Variants in LAMA5 observed in about 807,000 individuals in gnomAD.
LAMA5 encodes laminin subunit alpha 5.
In LAMA5, 260 loss-of-function variants were observed where a neutral mutation model predicts 433.4. The observed-to-expected ratio is 0.60, with a 90% CI of 0.54 to 0.66. The LOEUF is 0.66. Among genes scored for constraint, LAMA5 ranks in the 30% least tolerant of loss-of-function variants. The probability of loss-of-function intolerance (pLI) is 0.00; values close to 1 mark genes in which losing one functional copy is unlikely to be tolerated. For synonymous variants in LAMA5, 2,620 were observed against 2,226.6 expected, an observed-to-expected ratio of 1.18 and a Z score of -4.97; for missense variants, 5,378 against 5,258.5, an observed-to-expected ratio of 1.02 and a Z score of -0.70.
At chr20:62,351,884 C>T in intron 5 of LAMA5, 25 bp downstream of exon 5, 1 of 1,577,498 alleles carries the variant, frequency 6.3e-7, no homozygotes, top group Non-Finnish European at 8.6e-7. Context: ...GTCCCCCTCC[C>T]CCGCCTGCGC....
At chr20:62,314,168 G>A in intron 62 of LAMA5, 136 bp downstream of exon 62, 3 of 1,158,074 alleles carry the variant, frequency 2.6e-6, no homozygotes, top group Non-Finnish European at 3.7e-6. Context: ...GGTGGCGAGT[G>A]GGCACGGAGA....
At chr20:62,366,619 T>C (rs1986757012) in intron 1 of LAMA5, among the ~76,000 whole-genome samples, 1 of 152,068 alleles carries the variant, frequency 6.6e-6, no homozygotes, top group Admixed American at 6.5e-5. Context: ...GGAGGCCAAG[T>C]CCCGCCCTCC....
rs556780503 is a variant in LAMA5, at chr20:62,343,345, C to T, written c.1477+2473G>A. ...TGGGTAAGGGAGGAGCATCTACATCCGACTCAGCCAGAGATTCGGTAGAAC... is the reference window on the plus strand; with the variant it reads ...TGGGTAAGGGAGGAGCATCTACATCTGACTCAGCCAGAGATTCGGTAGAAC... On this transcript the variant is annotated intron_variant, in intron 11 of 79. Transcript: ENST00000252999. Among the ~76,000 whole-genome samples, 5 of 152,270 alleles carry T rather than the reference C, an allele frequency of 3.3e-5. No individual in the cohort carries two copies. The East Asian group carries it at 7.7e-4, about 23-fold the overall frequency.
Position 62,331,036 on chromosome 20 carries a change from T to A in LAMA5, c.3646A>T (p.Asn1216Tyr). Residue 1216 changes from asparagine to tyrosine, a missense_variant, in exon 29 of 80, where the codon AAC becomes TAC. Coordinates refer to ENST00000252999, the MANE Select transcript of LAMA5 (RefSeq NM_005560.6). ...AGCCCCATTACCTGCCATTACCTGT[T>A]GGGGCCAAAGGCGCCGTGGCTGCTG... is the stretch of plus-strand genomic sequence containing the variant. ...CISSHGAFGP[N>Y]SAACLPSRFP... The A allele has an allele frequency of 6.3e-7, 1 of 1,597,744 alleles. No individual in the cohort carries two copies.
Position 62,314,583 on chromosome 20 carries a change from C to A in LAMA5, c.8339G>T (p.Arg2780Leu). The A allele has an allele frequency of 1.9e-6, 3 of 1,611,058 alleles. No individual in the cohort carries two copies. The highest frequency in any genetic ancestry group is 2.5e-6 in the Non-Finnish European group (3 of 1,179,272). Residue 2780 changes from arginine (R) to leucine (L), a missense_variant, in exon 61 of 80, where the codon CGC (arginine) becomes CTC (leucine). By Grantham distance (102) the Arg-to-Leu change is moderately radical. Coordinates refer to ENST00000252999, the MANE Select transcript of LAMA5 (RefSeq NM_005560.6). Reference sequence around the variant, plus strand: ...GCGGCTGCCCATGTACATCACAAAGCGATCCTCGGTACCCTGCCCAGGCTC... The same window carrying A: ...GCGGCTGCCCATGTACATCACAAAGAGATCCTCGGTACCCTGCCCAGGCTC... Reference protein sequence around the residue: ...EPEPGQGTEDRFVMYMGSRQA... With the variant: ...EPEPGQGTEDLFVMYMGSRQA...
In LAMA5 at chr20:62,338,385, G is replaced by T. The variant is rs766545237; in HGVS notation, c.1619-16C>A. 7.5e-6 allele frequency: 12 copies of T among 1,606,488 alleles called. No homozygotes were observed. The highest frequency in any genetic ancestry group is 1.0e-5 in the Non-Finnish European group (12 of 1,176,486). ...CACTGGCAGGCTGCAGGAAAGGGTG[G>T]CCCACATGCTTGGTCAGAGGCACCA... On this transcript the variant is annotated splice_polypyrimidine_tract_variant and intron_variant, in intron 12 of 79. Transcript: ENST00000252999.
At chr20:62,346,630 T>TC in intron 8 of LAMA5, 34 bp from the exon 9 acceptor site, 1 of 1,609,298 alleles carries the variant, frequency 6.2e-7, no homozygotes, top group Non-Finnish European at 8.5e-7. Context: ...TCTGGGGAGG[T>TC]CCCTGCCCCA....
At chr20:62,347,177 G>A (rs1983529815) in intron 6 of LAMA5, 149 bp from the exon 7 acceptor site, 2 of 637,618 alleles carry the variant, frequency 3.1e-6, no homozygotes, top group Admixed American at 2.6e-5. Flanking sequence ...CAGCTGTCCG[G>A]CAGCAAGCGC....
chr20:62,309,157 A>T lies in LAMA5; in HGVS notation c.*179T>A. 1.5e-6 allele frequency: 1 copy of T among 679,114 alleles called. No homozygotes were observed. The highest frequency in any genetic ancestry group is 2.4e-5 in the South Asian group (1 of 42,494). 42.1% of individuals were successfully genotyped at this position (679,114 alleles called of 1,614,324 possible). ...TTAAAAATGGGTGGAAGGGCCAAAT[A>T]TAAAAACATTTTGCAGTATTTTATT... On this transcript the variant is annotated 3_prime_UTR_variant, in exon 80 of 80. Transcript: ENST00000252999.
In LAMA5 at chr20:62,346,889, A is replaced by T. The variant is rs185594855; in HGVS notation, c.1072+24T>A. Reference sequence around the variant, plus strand: ...ATGGGCCAGGGTGTGGGCAGGACACACGTGTGTGGGAGGAGGCACTCACAC... The same window carrying T: ...ATGGGCCAGGGTGTGGGCAGGACACTCGTGTGTGGGAGGAGGCACTCACAC... On this transcript the variant is annotated intron_variant, in intron 7 of 79. Transcript: ENST00000252999. The T allele has an allele frequency of 1.8e-4, 292 of 1,610,240 alleles. No individual in the cohort carries two copies. The African/African-American group carries it at 3.4e-3, about 19-fold the overall frequency.
intron 55 of LAMA5, 35 bp from the exon 56 acceptor site, chr20:62,317,058 G>A (rs1450381140): frequency 1.3e-6 from 2 of 1,505,592 alleles, no homozygotes; most frequent in South Asian, 1.3e-5. Flanking sequence ...GAGTGGGTAA[G>A]CGCAGACGCC....
At chr20:62,354,246 G>A (rs1053662310) in intron 2 of LAMA5, among the ~76,000 whole-genome samples, 19 of 151,934 alleles carry the variant, frequency 1.3e-4, no homozygotes, top group Admixed American at 4.6e-4. Context: ...CCTCAGCTGC[G>A]GACATCTCCC....
At chr20:62,323,963 C>T in intron 43 of LAMA5, 107 bp from the exon 44 acceptor site, 2 of 1,425,652 alleles carry the variant, frequency 1.4e-6, no homozygotes, top group East Asian at 2.5e-5. Flanking sequence ...GGGCCCAGAC[C>T]TCACGGACAC....
At chr20:62,349,131 C>CGTG (rs1601400803) in intron 6 of LAMA5, among the ~76,000 whole-genome samples, 1 of 151,494 alleles carries the variant, frequency 6.6e-6, no homozygotes, top group East Asian at 1.9e-4. Flanking sequence ...AATAGCCAGG[C>CGTG]GTGGTGGTGG....
intron 40 of LAMA5, among the ~76,000 whole-genome samples, chr20:62,326,173 T>A (rs1601331078): frequency 6.6e-6 from 1 of 151,662 alleles, no homozygotes; most frequent in Non-Finnish European, 1.5e-5. Flanking sequence ...TAAGCCGAGA[T>A]TGCACCACTG....
Position 62,335,107 on chromosome 20 carries a change from C to T in LAMA5, c.2396G>A (p.Cys799Tyr). Residue 799 changes from cysteine (C) to tyrosine (Y), a missense_variant, in exon 20 of 80, where the codon TGC (cysteine) becomes TAC (tyrosine). By Grantham distance (194) the Cys-to-Tyr change is radical. Transcript: ENST00000252999. ...GGCCTGGCCGCACACGTGGGGCTTG[C>T]AGAAGCACTGGCCGGTGCCCTGGGG... ...ECQPGTGQCF[C>Y]KPHVCGQACA... 6.2e-7 allele frequency: 1 copy of T among 1,612,980 alleles called. No individual in the cohort carries two copies. The highest frequency in any genetic ancestry group is 8.5e-7 in the Non-Finnish European group (1 of 1,179,688).
At chr20:62,319,119 G>A (rs1987375076) in intron 51 of LAMA5, 106 bp from the exon 52 acceptor site, 3 of 1,267,344 alleles carry the variant, frequency 2.4e-6, no homozygotes, top group Non-Finnish European at 3.2e-6. Context: ...TGGCAGGCCA[G>A]GGGCCCGGAA....
rs1981047165 is a variant in LAMA5, at chr20:62,333,981, C to T, written c.2798G>A (p.Arg933Gln). ...TSPDLFWLVF[R>Q]YVNRGAMSVS... Reference sequence around the variant, plus strand: ...ACTCATGGCCCCCCGGTTGACGTATCGGAAGACGAGCCAGAAAAGGTCAGG... The same window carrying T: ...ACTCATGGCCCCCCGGTTGACGTATTGGAAGACGAGCCAGAAAAGGTCAGG... The change falls in exon 23 of 80, where the codon CGA (arginine) becomes CAA (glutamine). Residue 933 changes from arginine to glutamine, a missense_variant. Physicochemically the swap from Arg to Gln is conservative, Grantham distance 43. Transcript: ENST00000252999. 1.2e-6 allele frequency: 2 copies of T among 1,612,902 alleles called. No individual in the cohort carries two copies. The highest frequency in any genetic ancestry group is 8.5e-7 in the Non-Finnish European group (1 of 1,179,862).
chr20:62,329,818 T>C lies in LAMA5; in HGVS notation c.4078A>G (p.Thr1360Ala), dbSNP rs764087217. The C allele has an allele frequency of 6.2e-7, 1 of 1,612,346 alleles. No homozygotes were observed. Among genetic ancestry groups the C allele is most frequent in the East Asian group, 2.2e-5 (1 of 44,864 alleles). Residue 1360 changes from threonine to alanine, a missense_variant, in exon 32 of 80, where the codon ACT becomes GCT. By Grantham distance (58) the Thr-to-Ala change is moderately conservative. Coordinates refer to ENST00000252999, the MANE Select transcript of LAMA5 (RefSeq NM_005560.6). ...CCCTTGGGCACACGCACGGTCACAGTGAGCTCGCTGTGGGTCACGTCCAGC... is the reference window on the plus strand; with the variant it reads ...CCCTTGGGCACACGCACGGTCACAGCGAGCTCGCTGTGGGTCACGTCCAGC... ...ALLDVTHSELTVTVRVPKGRW... is the reference protein window; with the variant it reads ...ALLDVTHSELAVTVRVPKGRW...
Sources: gnomAD v4.1 joint callset for allele counts (sites outside exome capture counted in the v4.1 genomes callset) on GRCh38, gnomAD v4.1.1 for gene constraint, MANE v1.5 for transcripts, NCBI Gene and HGNC (gene_info 2026-07-23, HGNC 2026-07-21) for gene names.